The following TMPRSS15 variants were observed in gnomAD, a reference collection of about 807,000 sequenced individuals.
The protein encoded by TMPRSS15 is transmembrane serine protease 15.
Under a neutral mutation model 125.3 loss-of-function variants are expected in TMPRSS15, and 128 were observed. The observed-to-expected ratio is 1.02, with a 90% CI of 0.89 to 1.18. The LOEUF (loss-of-function observed/expected upper bound fraction) is 1.18. Among genes scored for constraint, TMPRSS15 ranks in the 50% most tolerant of loss-of-function variants. The pLI is 0.00. For synonymous variants in TMPRSS15, 446 were observed against 423.2 expected, an observed-to-expected ratio of 1.05 and a Z score of -0.66; for missense variants, 1,283 against 1,212.7, an observed-to-expected ratio of 1.06 and a Z score of -0.86.
intron 7 of TMPRSS15, among the ~76,000 whole-genome samples, chr21:18,363,240 T>G (rs2075694171): frequency 6.6e-6 from 1 of 152,144 alleles, no homozygotes; most frequent in Non-Finnish European, 1.5e-5. Flanking sequence ...TACACTGTTT[T>G]GGGGTAACAT....
In TMPRSS15 at chr21:18,317,430, GA is replaced by G. The variant is rs999881111; in HGVS notation, c.1922-2175del. Among the ~76,000 whole-genome samples the G allele has an allele frequency of 2.9e-5, 4 of 139,222 alleles. No individual in the cohort carries two copies. The Admixed American group carries it at 2.9e-4, about 10-fold the overall frequency. The allele number at this position is 139,222 out of a possible 152,430, so 91.3% of individuals were successfully genotyped here. ...AAAAAATATATTGAATAGAGTATTT[GA>G]GGGGGGGTGTTTTTATGGGGGTAAG... On this transcript the variant is annotated intron_variant, in intron 16 of 24. Transcript: ENST00000284885.
chr21:18,323,690 GTTTC>G (rs2075262748), intron 16 of TMPRSS15, among the ~76,000 whole-genome samples: 1 of 151,872 alleles, frequency 6.6e-6, no homozygotes, highest in African/African-American at 2.4e-5. Flanking sequence ...ATTTATCTCA[GTTTC>G]TTTAAAAGTA....
At chr21:18,430,608 G>A (rs1480249891) in intron 1 of TMPRSS15, among the ~76,000 whole-genome samples, 4 of 152,040 alleles carry the variant, frequency 2.6e-5, no homozygotes, top group African/African-American at 7.2e-5. Context: ...TAAAAGAAGA[G>A]CAGAATTACT....
chr21:18,346,152 A>G (rs1188590634), intron 10 of TMPRSS15, among the ~76,000 whole-genome samples: 1 of 152,148 alleles, frequency 6.6e-6, no homozygotes, highest in Non-Finnish European at 1.5e-5. Context: ...TTAGTTAACA[A>G]ATTAGAAGAT....
chr21:18,483,481 G>A (rs1306629590), intron 1 of TMPRSS15, among the ~76,000 whole-genome samples: 1 of 151,732 alleles, frequency 6.6e-6, no homozygotes, highest in Non-Finnish European at 1.5e-5. Context: ...AATCTGTAAA[G>A]GTGTTTGCTG....
chr21:18,429,605 C>T (rs2076212056), intron 1 of TMPRSS15, among the ~76,000 whole-genome samples: 1 of 152,186 alleles, frequency 6.6e-6, no homozygotes, highest in Non-Finnish European at 1.5e-5. Flanking sequence ...TCATCATTTT[C>T]TCTTTCTGCT....
At chr21:18,297,196 G>A (rs113142838) in intron 19 of TMPRSS15, among the ~76,000 whole-genome samples, 1 of 152,124 alleles carries the variant, frequency 6.6e-6, no homozygotes, top group Non-Finnish European at 1.5e-5. Flanking sequence ...CTTAGTAAAG[G>A]CTATAAAAGT....
At chr21:18,470,289 A>G (rs1428668219) in intron 1 of TMPRSS15, among the ~76,000 whole-genome samples, 2 of 151,072 alleles carry the variant, frequency 1.3e-5, no homozygotes, top group African/African-American at 4.9e-5. Context: ...CATGTACTTG[A>G]CCCTCCTATA....
chr21:18,467,015 C>T (rs554164587), intron 1 of TMPRSS15, among the ~76,000 whole-genome samples: 1 of 152,006 alleles, frequency 6.6e-6, no homozygotes, highest in Non-Finnish European at 1.5e-5. Flanking sequence ...AACCCAAATG[C>T]CCATCAATGA....
At chr21:18,390,393 A>G (rs1192253472) in intron 3 of TMPRSS15, among the ~76,000 whole-genome samples, 1 of 152,246 alleles carries the variant, frequency 6.6e-6, no homozygotes, top group Non-Finnish European at 1.5e-5. Context: ...AAATGAAAAA[A>G]TGATAACCTC....
At chr21:18,383,137 G>A (rs1023205493) in intron 4 of TMPRSS15, among the ~76,000 whole-genome samples, 1 of 152,036 alleles carries the variant, frequency 6.6e-6, no homozygotes, top group South Asian at 2.1e-4. Context: ...CTTGAACGGT[G>A]CAAAGAATGC....
chr21:18,410,902 A>G (rs143720863), intron 1 of TMPRSS15, among the ~76,000 whole-genome samples: 2 of 152,256 alleles, frequency 1.3e-5, no homozygotes, highest in East Asian at 3.9e-4. Flanking sequence ...ATACCTAAAT[A>G]TTAATATAGA....
At chr21:18,403,351 A>G (rs2076114337) in intron 1 of TMPRSS15, 127 bp downstream of exon 1, 2 of 1,231,772 alleles carry the variant, frequency 1.6e-6, no homozygotes, top group Non-Finnish European at 2.4e-6. Context: ...AATTTGAAAT[A>G]TTAGATTGAA....
Position 18,312,931 on chromosome 21 carries a change from G to A in TMPRSS15, c.2165+14C>T, listed in dbSNP as rs2075116501. 6.2e-7 allele frequency: 1 copy of A among 1,613,004 alleles called. No individual in the cohort carries two copies. Reference sequence around the variant, plus strand: ...TGCAAATCTCTTAAAAAGGAACTCAGTAGAATTACTTACCCTAGTCCCAGC... The same window carrying A: ...TGCAAATCTCTTAAAAAGGAACTCAATAGAATTACTTACCCTAGTCCCAGC... On this transcript the variant is annotated intron_variant, in intron 18 of 24. Transcript: ENST00000284885.
At chr21:18,318,677 G>A (rs1260792224) in intron 16 of TMPRSS15, among the ~76,000 whole-genome samples, 3 of 152,132 alleles carry the variant, frequency 2.0e-5, no homozygotes, top group Non-Finnish European at 2.9e-5. Flanking sequence ...ATTTAACACC[G>A]GAAGTAACTG....
intron 1 of TMPRSS15, among the ~76,000 whole-genome samples, chr21:18,459,898 ATAAT>A (rs750588090): frequency 6.6e-5 from 10 of 152,220 alleles, no homozygotes; most frequent in South Asian, 2.1e-4. Flanking sequence ...GGTCTCACAC[ATAAT>A]TAATTAAATT....
At chr21:18,459,577 T>C (rs1978512794) in intron 1 of TMPRSS15, among the ~76,000 whole-genome samples, 1 of 152,180 alleles carries the variant, frequency 6.6e-6, no homozygotes, top group Non-Finnish European at 1.5e-5. Context: ...CTTAAGTCAA[T>C]ATCTCATGTC....
At chr21:18,485,151 A>G (rs1273649907) in intron 1 of TMPRSS15, among the ~76,000 whole-genome samples, 1 of 151,840 alleles carries the variant, frequency 6.6e-6, no homozygotes, top group Non-Finnish European at 1.5e-5. Flanking sequence ...ATTTTACTCT[A>G]ATGTCTTTGT....
chr21:18,314,124 T>C (rs201742136), intron 17 of TMPRSS15, among the ~76,000 whole-genome samples: 1 of 35,538 alleles, frequency 2.8e-5, no homozygotes, highest in African/African-American at 1.3e-4. Context: ...ATTGTTTACC[T>C]TTTTTTTCCT....
Sources: gnomAD v4.1 joint callset for allele counts (sites outside exome capture counted in the v4.1 genomes callset) on GRCh38, gnomAD v4.1.1 for gene constraint, MANE v1.5 for transcripts, NCBI Gene and HGNC (gene_info 2026-07-23, HGNC 2026-07-21) for gene names.